Variants in GLIS3 observed in about 807,000 individuals in gnomAD.
GLIS3 encodes zinc finger protein GLIS3.
Under a neutral mutation model 78.6 loss-of-function variants are expected in GLIS3, and 53 were observed. The observed-to-expected ratio is 0.67, with a 90% CI of 0.54 to 0.85. The LOEUF is 0.85. GLIS3 is among the 40% of genes least tolerant of loss of function. The probability of loss-of-function intolerance (pLI) is 0.00; values close to 1 mark genes in which losing one functional copy is unlikely to be tolerated. For missense variants in GLIS3, 1,703 were observed against 1,231.1 expected, an observed-to-expected ratio of 1.38 and a Z score of -5.74; for synonymous variants, 684 against 509.9, an observed-to-expected ratio of 1.34 and a Z score of -4.60.
At chr9:4,098,320 C>T (rs566931123) in intron 4 of GLIS3, among the ~76,000 whole-genome samples, 1 of 152,262 alleles carries the variant, frequency 6.6e-6, no homozygotes, top group Admixed American at 6.5e-5. Context: ...TGAGATGTCC[C>T]TCTGTGACAC....
At chr9:4,380,940 C>T in the GLIS3 span, among the ~76,000 whole-genome samples, 1 of 151,860 alleles carries the variant, frequency 6.6e-6, no homozygotes, top group Non-Finnish European at 1.5e-5. Flanking sequence ...ATGTACAAAC[C>T]CAAGAGGAAA....
chr9:4,032,968 C>CTATTATACTATGCATTCA (rs1823977572), intron 4 of GLIS3, among the ~76,000 whole-genome samples: 1 of 152,104 alleles, frequency 6.6e-6, no homozygotes, highest in Admixed American at 6.6e-5. Flanking sequence ...ATTCTGCTGC[C>CTATTATACTATGCATTCA]TCAGCCTCCC....
intron 6 of GLIS3, among the ~76,000 whole-genome samples, chr9:3,902,679 C>T (rs1439452398): frequency 6.6e-6 from 1 of 152,098 alleles, no homozygotes; most frequent in Non-Finnish European, 1.5e-5. Context: ...TTTCTAAGTT[C>T]CCAGGTGATG....
chr9:3,853,017 T>C (rs2130199455), intron 9 of GLIS3, among the ~76,000 whole-genome samples: 1 of 152,268 alleles, frequency 6.6e-6, no homozygotes. Flanking sequence ...AAGACCAGCC[T>C]GGGCAACATA....
rs57500093 is a variant in GLIS3, at chr9:3,953,795, C to CTA, written c.1711-16608_1711-16607dup. ...TCTCTCTCTCTCTCTCTCTCTCTCT[C>CTA]TATATATATATATATATATATATAT... On this transcript the variant is annotated intron_variant, in intron 4 of 10. Transcript: ENST00000381971. 5.9e-3 allele frequency among the ~76,000 whole-genome samples: 432 copies of CTA among 73,208 alleles called. 4 individuals carry two copies. The highest frequency in any genetic ancestry group is 0.015 in the East Asian group (29 of 1,930). The allele number at this position is 73,208 out of a possible 152,430, so 48.0% of individuals were successfully genotyped here.
rs148173086 is a variant in GLIS3, at chr9:4,330,571, A to G, written n.264+16510T>C. 2.4e-4 allele frequency among the ~76,000 whole-genome samples: 31 copies of G among 127,926 alleles called. 1 individual carries two copies. In the East Asian group the frequency reaches 7.4e-3, roughly 30 times the overall value. 83.9% of individuals were successfully genotyped at this position (127,926 alleles called of 152,430 possible). A position where few individuals can be genotyped will look rare whatever the true frequency, so the allele number is the denominator to read the frequency against. Reference sequence around the variant, plus strand: ...GAGATGAAGGTTGAGATGGAGATGAAGAGAGGTGGAGGTGAAGGTTGGATG... The same window carrying G: ...GAGATGAAGGTTGAGATGGAGATGAGGAGAGGTGGAGGTGAAGGTTGGATG... On this transcript the variant is annotated intron_variant and non_coding_transcript_variant, in intron 2 of 4. Coordinates refer to the GLIS3 transcript ENST00000471664.
intron 2 of GLIS3, among the ~76,000 whole-genome samples, chr9:4,159,030 GAAGAA>G (rs1409253223): frequency 2.5e-5 from 2 of 79,094 alleles, no homozygotes; most frequent in African/African-American, 9.7e-5. Context: ...GAAAGGAGAA[GAAGAA>G]AAAAAAAAAA....
At chr9:3,929,831 T>G (rs1450122356) in intron 6 of GLIS3, among the ~76,000 whole-genome samples, 4 of 152,254 alleles carry the variant, frequency 2.6e-5, no homozygotes, top group African/African-American at 9.6e-5. Flanking sequence ...TTTCAATTTT[T>G]AATTAAAGTC....
At chr9:4,144,238 T>C (rs1378887752) in intron 2 of GLIS3, among the ~76,000 whole-genome samples, 1 of 151,840 alleles carries the variant, frequency 6.6e-6, no homozygotes, top group Middle Eastern at 3.4e-3. Context: ...CCGAAAGAGA[T>C]CTGAAAAGAA....
chr9:3,941,687 T>C (rs915627144), intron 4 of GLIS3, among the ~76,000 whole-genome samples: 22 of 152,356 alleles, frequency 1.4e-4, no homozygotes, highest in East Asian at 3.9e-4. Flanking sequence ...CTGTAAGTGA[T>C]AGAACTTACA....
intron 2 of GLIS3, among the ~76,000 whole-genome samples, chr9:4,252,600 C>A (rs1563835486): frequency 6.6e-6 from 1 of 152,088 alleles, no homozygotes; most frequent in Non-Finnish European, 1.5e-5. Context: ...CCTTCTGAAG[C>A]CTACTTCTGT....
intron 2 of GLIS3, among the ~76,000 whole-genome samples, chr9:4,273,792 CT>C (rs1826743280): frequency 6.6e-6 from 1 of 152,096 alleles, no homozygotes; most frequent in South Asian, 2.1e-4. Context: ...ACTCTCCTCC[CT>C]ACCCAAGATC....
chr9:4,193,870 A>C (rs7046740), intron 2 of GLIS3, among the ~76,000 whole-genome samples: 138,263 of 152,222 alleles, frequency 0.91, 62,922 homozygotes, highest in Non-Finnish European at 0.94. Context: ...TCATGTGCCA[A>C]ATATGGACTT....
chr9:4,462,875 G>A, the GLIS3 span, among the ~76,000 whole-genome samples: 1 of 152,160 alleles, frequency 6.6e-6, no homozygotes, highest in Non-Finnish European at 1.5e-5. Flanking sequence ...CACTGGTCTT[G>A]AACCTGCTTG....
At chr9:3,966,225 T>A (rs1817922933) in intron 4 of GLIS3, among the ~76,000 whole-genome samples, 1 of 152,224 alleles carries the variant, frequency 6.6e-6, no homozygotes, top group African/African-American at 2.4e-5. Flanking sequence ...AATGAATGAC[T>A]GAATGGGATT....
chr9:4,205,489 C>T (rs1165241483), intron 2 of GLIS3, among the ~76,000 whole-genome samples: 1 of 152,168 alleles, frequency 6.6e-6, no homozygotes, highest in Non-Finnish European at 1.5e-5. Flanking sequence ...TGTCTCTTCC[C>T]TGGAAGATTT....
At chr9:4,291,201 T>A (rs1815945302) in intron 1 of GLIS3, among the ~76,000 whole-genome samples, 1 of 152,096 alleles carries the variant, frequency 6.6e-6, no homozygotes, top group Non-Finnish European at 1.5e-5. Flanking sequence ...GGTGTACAAA[T>A]GTTACTTAAG....
At chr9:3,849,218 A>C (rs963714129) in intron 9 of GLIS3, among the ~76,000 whole-genome samples, 12 of 152,222 alleles carry the variant, frequency 7.9e-5, no homozygotes, top group Non-Finnish European at 1.2e-4. Flanking sequence ...GTCTACCCCG[A>C]CTTCCAAGGA....
chr9:4,241,568 A>G (rs1225960617), intron 2 of GLIS3, among the ~76,000 whole-genome samples: 1 of 152,224 alleles, frequency 6.6e-6, no homozygotes, highest in Non-Finnish European at 1.5e-5. Flanking sequence ...ATATAAATGT[A>G]TTATCACATA....
Sources: gnomAD v4.1 joint callset for allele counts (sites outside exome capture counted in the v4.1 genomes callset) on GRCh38, gnomAD v4.1.1 for gene constraint, MANE v1.5 for transcripts, NCBI Gene and HGNC (gene_info 2026-07-23, HGNC 2026-07-21) for gene names.